Variants in LRRC49 observed in about 807,000 individuals in gnomAD.
LRRC49 encodes leucine-rich repeat-containing protein 49.
A neutral mutation model predicts 83.3 loss-of-function variants in LRRC49; 50 were observed. That is an observed-to-expected ratio of 0.60 (90% CI 0.48 to 0.76). LRRC49 has a LOEUF of 0.76. LRRC49 is among the 30% of genes least tolerant of loss of function. The probability of loss-of-function intolerance (pLI) is 0.00; values close to 1 mark genes in which losing one functional copy is unlikely to be tolerated. For synonymous variants in LRRC49, 286 were observed against 283.3 expected (o/e 1.01, Z -0.10); for missense variants, 704 against 809.1 (o/e 0.87, Z 1.58).
At chr15:70,910,768 A>G (rs1432300096) in intron 5 of LRRC49, among the ~76,000 whole-genome samples, 1 of 152,190 alleles carries the variant, frequency 6.6e-6, no homozygotes, top group African/African-American at 2.4e-5. Flanking sequence ...TTGGGTACCT[A>G]CTTGGCACCA....
At chr15:70,933,419 A>T (rs2035485077) in intron 7 of LRRC49, among the ~76,000 whole-genome samples, 1 of 152,126 alleles carries the variant, frequency 6.6e-6, no homozygotes. Flanking sequence ...CTGATGCTGA[A>T]ATAGTTACCT....
intron 8 of LRRC49, among the ~76,000 whole-genome samples, chr15:70,941,238 A>C (rs575700635): frequency 6.6e-6 from 1 of 152,360 alleles, no homozygotes; most frequent in East Asian, 1.9e-4. Flanking sequence ...TTGTTTGATC[A>C]TCCTCAGGGC....
intron 2 of LRRC49, among the ~76,000 whole-genome samples, chr15:70,887,163 T>A (rs1211328625): frequency 6.6e-6 from 1 of 152,156 alleles, no homozygotes; most frequent in Non-Finnish European, 1.5e-5. Flanking sequence ...ACTCCTGTCT[T>A]ATCAATGAGT....
chr15:71,014,452 A>C (rs1026234355), intron 14 of LRRC49, among the ~76,000 whole-genome samples: 7 of 152,152 alleles, frequency 4.6e-5, no homozygotes, highest in Non-Finnish European at 7.4e-5. Flanking sequence ...ATCAACGAAA[A>C]GCAGGAAGGA....
At chr15:70,920,979 CT>C (rs1469127356) in intron 7 of LRRC49, among the ~76,000 whole-genome samples, 1 of 152,136 alleles carries the variant, frequency 6.6e-6, no homozygotes, top group Non-Finnish European at 1.5e-5. Context: ...AGTTACCACA[CT>C]TATTCTTCTT....
intron 3 of LRRC49, chr15:70,900,354 T>G: frequency 2.4e-6 from 1 of 412,194 alleles, no homozygotes; most frequent in East Asian, 7.0e-5. Flanking sequence ...CTACTAATAG[T>G]GGCTGAACTT....
intron 8 of LRRC49, among the ~76,000 whole-genome samples, chr15:70,949,845 A>G (rs746558132): frequency 6.6e-6 from 1 of 152,094 alleles, no homozygotes; most frequent in Non-Finnish European, 1.5e-5. Flanking sequence ...GGGGCTACAT[A>G]TGCGGGTTTG....
At chr15:70,878,467 A>G (rs1417476109) in intron 2 of LRRC49, among the ~76,000 whole-genome samples, 3 of 151,966 alleles carry the variant, frequency 2.0e-5, no homozygotes, top group Non-Finnish European at 4.4e-5. Flanking sequence ...CCTTTATTGC[A>G]CCAACTAGGA....
intron 5 of LRRC49, among the ~76,000 whole-genome samples, chr15:70,909,401 A>G (rs534188769): frequency 3.9e-5 from 6 of 152,308 alleles, no homozygotes; most frequent in African/African-American, 1.4e-4. Flanking sequence ...TGAACTTGGA[A>G]GTATAAAATA....
intron 9 of LRRC49, among the ~76,000 whole-genome samples, chr15:70,973,240 C>T (rs537105027): frequency 6.6e-6 from 1 of 152,320 alleles, no homozygotes; most frequent in African/African-American, 2.4e-5. Flanking sequence ...TCAGGCCCCT[C>T]TTCTGCAGGT....
rs1197362561 is a variant in LRRC49, at chr15:71,049,739, A to G, written c.*127A>G. On this transcript the variant is annotated 3_prime_UTR_variant, in exon 16 of 16. Transcript: ENST00000260382. ...CTAGAAAGACTAGTATAAAAGCATT[A>G]TTGCCCACTGTTCTCATAGCTAAAA... The G allele has an allele frequency of 4.8e-6, 3 of 624,450 alleles. No individual in the cohort carries two copies. Among genetic ancestry groups the G allele is most frequent in the African/African-American group, 1.9e-5 (1 of 53,798 alleles). The allele number at this position is 624,450 out of a possible 1,614,324, so 38.7% of individuals were successfully genotyped here. A position where few individuals can be genotyped will look rare whatever the true frequency, so the allele number is the denominator to read the frequency against.
rs1174871782 is a variant in LRRC49, at chr15:71,008,525, G to A, written c.1316G>A (p.Gly439Glu). 6 of 1,612,582 alleles carry A rather than the reference G, an allele frequency of 3.7e-6. No individual in the cohort carries two copies. The highest frequency in any genetic ancestry group is 1.7e-5 in the Admixed American group (1 of 59,814). Residue 439 changes from glycine to glutamate, a missense_variant, in exon 12 of 16, where the codon GGA becomes GAA. Gly to Glu is a moderately conservative substitution (Grantham distance 98). Around this residue, in one of 3 missense-constraint regions of LRRC49, gnomAD observed 275 missense variants for 338.0 expected, o/e 0.81. Coordinates refer to ENST00000260382, the MANE Select transcript of LRRC49 (RefSeq NM_017691.5). ...AGGAATTGGAGTGTTCAAACAGCAGGAATGATCACAACAGTCTCCTTCACT... is the reference window on the plus strand; with the variant it reads ...AGGAATTGGAGTGTTCAAACAGCAGAAATGATCACAACAGTCTCCTTCACT... ...LDRNWSVQTA[G>E]MITTVSFTFI...
At chr15:71,015,473 C>T (rs982298928) in intron 14 of LRRC49, among the ~76,000 whole-genome samples, 2 of 152,170 alleles carry the variant, frequency 1.3e-5, no homozygotes, top group African/African-American at 4.8e-5. Context: ...GAGAATCTAA[C>T]GCCACTGCTG....
In LRRC49 at chr15:70,918,999, A is replaced by G. The variant is rs762677636; in HGVS notation, c.568-51A>G. ...TATTTTTAGGGTTTTTAGAACATGT[A>G]TATTTCAGGTTTTTGCCTGCTAATC... On this transcript the variant is annotated intron_variant, in intron 6 of 15. Transcript: ENST00000260382. 3.4e-6 allele frequency: 5 copies of G among 1,460,610 alleles called. No homozygotes were observed. In the East Asian group the frequency reaches 6.9e-5, roughly 20 times the overall value. 90.5% of individuals were successfully genotyped at this position (1,460,610 alleles called of 1,614,324 possible). A position where few individuals can be genotyped will look rare whatever the true frequency, so the allele number is the denominator to read the frequency against.
chr15:70,983,776 G>A (rs1345517317), intron 10 of LRRC49, among the ~76,000 whole-genome samples: 2 of 152,032 alleles, frequency 1.3e-5, no homozygotes, highest in Non-Finnish European at 2.9e-5. Flanking sequence ...AAAAATTTAT[G>A]TGAAATTAAA....
intron 11 of LRRC49, among the ~76,000 whole-genome samples, chr15:70,995,059 CTAAGTA>C (rs2038029862): frequency 6.6e-6 from 1 of 151,834 alleles, no homozygotes; most frequent in Admixed American, 6.6e-5. Context: ...CGCAGAGTAG[CTAAGTA>C]TAACAGAAGA....
At chr15:71,021,246 T>A (rs528365394) in intron 14 of LRRC49, among the ~76,000 whole-genome samples, 3 of 152,320 alleles carry the variant, frequency 2.0e-5, no homozygotes, top group Admixed American at 2.0e-4. Flanking sequence ...GCATATGTAG[T>A]CGGAAGGAGT....
chr15:71,030,680 T>A (rs1272321568), intron 14 of LRRC49, among the ~76,000 whole-genome samples: 1 of 152,040 alleles, frequency 6.6e-6, no homozygotes, highest in African/African-American at 2.4e-5. Flanking sequence ...GGTCTTTTCA[T>A]ATAGTCACAT....
chr15:71,053,336 AG>A lies in LRRC49; in HGVS notation c.*3725del. ...AGGTTTTTGGCTTGAACTACCGAAA[AG>A]ATTGAGTTGCCATCAACTGAGATGA... is the stretch of plus-strand genomic sequence containing the variant. On this transcript the variant is annotated 3_prime_UTR_variant, in exon 16 of 16. Transcript: ENST00000260382. The A allele has an allele frequency of 6.6e-6, 1 of 152,352 alleles. No homozygotes were observed. Among genetic ancestry groups the A allele is most frequent in the East Asian group, 1.9e-4 (1 of 5,180 alleles). The allele number at this position is 152,352 out of a possible 1,614,324, so 9.4% of individuals were successfully genotyped here.
Sources: gnomAD v4.1 joint callset for allele counts (sites outside exome capture counted in the v4.1 genomes callset) on GRCh38, gnomAD v4.1.1 for gene constraint, gnomAD v4.1.1 regional missense constraint, MANE v1.5 for transcripts, NCBI Gene and HGNC (gene_info 2026-07-23, HGNC 2026-07-21) for gene names.